IQSEC1: variants seen among roughly 807,000 people sequenced by gnomAD.
IQSEC1 encodes the protein IQ motif and Sec7 domain ArfGEF 1.
A neutral mutation model predicts 91.0 loss-of-function variants in IQSEC1; 31 were observed. That is an observed-to-expected ratio of 0.34 (90% CI 0.26 to 0.46). The LOEUF (loss-of-function observed/expected upper bound fraction) is 0.46. Ranked by LOEUF, IQSEC1 falls within the 20% of genes least tolerant of loss-of-function variation. The probability of loss-of-function intolerance (pLI) is 1.00; values close to 1 mark genes in which losing one functional copy is unlikely to be tolerated. For missense variants in IQSEC1, 1,388 were observed against 1,575.6 expected, an observed-to-expected ratio of 0.88 and a Z score of 2.02; for synonymous variants, 699 against 662.6, an observed-to-expected ratio of 1.05 and a Z score of -0.84.
chr3:13,179,893 A>G (rs1200587438), intron 1 of IQSEC1, among the ~76,000 whole-genome samples: 2 of 152,190 alleles, frequency 1.3e-5, no homozygotes, highest in East Asian at 3.9e-4. Flanking sequence ...GGGGTTTAGC[A>G]CCTGGGCCAG....
In IQSEC1 at chr3:12,992,215, C is replaced by T. The variant is rs1702021673; in HGVS notation, c.24-50350G>A. Among the ~76,000 whole-genome samples the T allele has an allele frequency of 6.6e-6, 1 of 152,118 alleles. No individual in the cohort carries two copies. Among genetic ancestry groups the T allele is most frequent in the Non-Finnish European group, 1.5e-5 (1 of 68,020 alleles). On this transcript the variant is annotated intron_variant, in intron 1 of 13. Transcript: ENST00000613206. The surrounding 1 kb of genome is among the most constrained non-coding windows in gnomAD (Gnocchi z 4.1). ...GGACATGTCCCTGCCTCTCTCTGGC[C>T]TCAGTTCTCCATCTCTAACACAGTA... is the stretch of plus-strand genomic sequence containing the variant.
rs573369913 is a variant in IQSEC1 at position 13,139,910 on chromosome 3, T to G, written c.302+24194A>C. Among the ~76,000 whole-genome samples, 3 of 152,278 alleles carry G rather than the reference T, an allele frequency of 2.0e-5. No individual in the cohort carries two copies. In the South Asian group the frequency reaches 6.2e-4, roughly 32 times the overall value. On this transcript the variant is annotated intron_variant, in intron 2 of 15. Coordinates refer to the IQSEC1 transcript ENST00000648114. Reference sequence around the variant, plus strand: ...TGCCATTATCCTCACCATGCACAAATTCCCAGAGGCAAACACCACAGGCCA... The same window carrying G: ...TGCCATTATCCTCACCATGCACAAAGTCCCAGAGGCAAACACCACAGGCCA...
chr3:13,174,389 C>T (rs1693677830), intron 1 of IQSEC1, among the ~76,000 whole-genome samples: 1 of 152,158 alleles, frequency 6.6e-6, no homozygotes, highest in Non-Finnish European at 1.5e-5. Flanking sequence ...GGAGACTATA[C>T]AGCCACCTGC....
In IQSEC1 at chr3:13,010,141, G is replaced by A. The variant is rs551866184; in HGVS notation, c.23+62851C>T. On this transcript the variant is annotated intron_variant, in intron 1 of 13. Transcript: ENST00000613206. Reference sequence around the variant, plus strand: ...GATGCATAGCAGAACACATGGCTCAGCTGGCCAGCCGGCAGGTCTTAGCAG... The same window carrying A: ...GATGCATAGCAGAACACATGGCTCAACTGGCCAGCCGGCAGGTCTTAGCAG... Among the ~76,000 whole-genome samples, 9 of 152,358 alleles carry A rather than the reference G, an allele frequency of 5.9e-5. No individual in the cohort carries two copies. The East Asian group carries it at 1.7e-3, about 29-fold the overall frequency.
Position 13,145,809 on chromosome 3 carries a change from G to GGC in IQSEC1, c.302+18294_302+18295insGC, listed in dbSNP as rs1416404233. On this transcript the variant is annotated intron_variant, in intron 2 of 15. Transcript: ENST00000648114. The stretch of plus-strand genomic sequence containing the variant: ...TGAACCTGGGCGCCCGGGGGCGGGG[G>GGC]GGGGGGGTCCTGATCATTGGGAACA... Among the ~76,000 whole-genome samples the GGC allele has an allele frequency of 2.4e-4, 33 of 135,502 alleles. No individual in the cohort carries two copies. In the South Asian group the frequency reaches 8.7e-3, roughly 36 times the overall value. The allele number at this position is 135,502 out of a possible 152,430, so 88.9% of individuals were successfully genotyped here.
At chr3:13,105,855 A>T (rs1027478205) in intron 2 of IQSEC1, among the ~76,000 whole-genome samples, 1 of 152,222 alleles carries the variant, frequency 6.6e-6, no homozygotes, top group Non-Finnish European at 1.5e-5. Flanking sequence ...CCCCTAAGGG[A>T]TGGCTGGCCT....
At chr3:12,962,196 T>TTAAGGGCAGCCAGAA (rs1372345248) in intron 1 of IQSEC1, among the ~76,000 whole-genome samples, 5 of 152,178 alleles carry the variant, frequency 3.3e-5, no homozygotes, top group Non-Finnish European at 5.9e-5. Context: ...ACCTTTGAGC[T>TTAAGGGCAGCCAGAA]TAAGGGCAGC....
At chr3:13,157,562 G>C (rs1029093026) in intron 2 of IQSEC1, among the ~76,000 whole-genome samples, 1 of 152,160 alleles carries the variant, frequency 6.6e-6, no homozygotes, top group African/African-American at 2.4e-5. Context: ...AATTGCTCAG[G>C]ATACAGCACA....
chr3:12,991,547 T>C (rs1182765993), intron 1 of IQSEC1, among the ~76,000 whole-genome samples: 1 of 152,048 alleles, frequency 6.6e-6, no homozygotes, highest in Non-Finnish European at 1.5e-5. Context: ...TGCCTAATTA[T>C]GAGGGGCAGG....
chr3:13,203,859 G>A (rs908117941), intron 1 of IQSEC1, among the ~76,000 whole-genome samples: 8 of 152,192 alleles, frequency 5.3e-5, no homozygotes, highest in Non-Finnish European at 1.0e-4. Context: ...CACCTAACAC[G>A]TGCGGGGCCC....
rs374829324 is a variant in IQSEC1 at position 13,015,285 on chromosome 3, C to T, written c.23+57707G>A. Reference sequence around the variant, plus strand: ...CCTGCCATCCAGGTGGGCTGCGGGGCCCTGGTTCTCAACCCTAATGGGGCC... The same window carrying T: ...CCTGCCATCCAGGTGGGCTGCGGGGTCCTGGTTCTCAACCCTAATGGGGCC... On this transcript the variant is annotated intron_variant, in intron 1 of 13. Coordinates refer to ENST00000613206, the MANE Select transcript of IQSEC1 (RefSeq NM_001134382.3). Among the ~76,000 whole-genome samples, 23 of 152,276 alleles carry T rather than the reference C, an allele frequency of 1.5e-4. 1 individual carries two copies. In the East Asian group the frequency reaches 3.1e-3, roughly 20 times the overall value.
rs571684496 is a variant in IQSEC1 at position 13,056,397 on chromosome 3, T to TG, written c.23+16594dup. Among the ~76,000 whole-genome samples, 10 of 152,146 alleles carry TG rather than the reference T, an allele frequency of 6.6e-5. No individual in the cohort carries two copies. In the South Asian group the frequency reaches 2.1e-3, roughly 32 times the overall value. ...CCCTCTAGAGTCCACCTGGCCTTTC[T>TG]GGGGGGTCCTTCCTGGGTTTTCAGC... On this transcript the variant is annotated intron_variant, in intron 1 of 13. Transcript: ENST00000613206.
chr3:13,097,428 G>A (rs373607601), intron 2 of IQSEC1, among the ~76,000 whole-genome samples: 5 of 152,104 alleles, frequency 3.3e-5, no homozygotes, highest in African/African-American at 9.7e-5. Flanking sequence ...TCCACCATAA[G>A]CCCTGCAGGT....
At chr3:12,968,167 C>T (rs552099711) in intron 1 of IQSEC1, among the ~76,000 whole-genome samples, 2 of 152,342 alleles carry the variant, frequency 1.3e-5, no homozygotes, top group East Asian at 3.9e-4. Flanking sequence ...CAACATCTGC[C>T]TATCCCGATT....
chr3:12,922,039 T>A lies in IQSEC1; in HGVS notation c.1853+81A>T. On this transcript the variant is annotated intron_variant, in intron 5 of 13. Coordinates refer to ENST00000613206, the MANE Select transcript of IQSEC1 (RefSeq NM_001134382.3). This position sits in a 1 kb window ranked among gnomAD's most constrained non-coding sequence, Gnocchi z 5.1. ...CTGTCTAGGGATGGTGGGGATGCAG[T>A]CTTTGGTCCATCCTCGGGCCCTGAA... 2 of 1,465,846 alleles carry A rather than the reference T, an allele frequency of 1.4e-6. No individual in the cohort carries two copies. The highest frequency in any genetic ancestry group is 1.8e-6 in the Non-Finnish European group (2 of 1,096,600). 90.8% of individuals were successfully genotyped at this position (1,465,846 alleles called of 1,614,324 possible).
intron 1 of IQSEC1, among the ~76,000 whole-genome samples, chr3:13,188,705 C>T (rs76701045): frequency 0.045 from 6,838 of 152,270 alleles, 357 homozygotes; most frequent in East Asian, 0.3. Context: ...CTCAACCTAC[C>T]GAGCTAGAAG....
chr3:13,203,201 G>T (rs544558473), intron 1 of IQSEC1, among the ~76,000 whole-genome samples: 1 of 150,878 alleles, frequency 6.6e-6, no homozygotes, highest in African/African-American at 2.4e-5. Context: ...ACACTCTTAT[G>T]CTCACACATG....
rs144594173 is a variant in IQSEC1 at position 12,935,525 on chromosome 3, G to C, written c.1491C>G (p.Asn497Lys). The change falls in exon 3 of 14, where the codon AAC becomes AAG. Residue 497 changes from asparagine (N) to lysine (K), a missense_variant. Transcript: ENST00000613206. The surrounding 1 kb of genome is among the most constrained non-coding windows in gnomAD (Gnocchi z 8.0). ...TGCTAAAGGCAGGCGAGTCCCAGCT[G>C]TTGCGGGCCTCCTTGTGGTAGGTCT... The part of the protein sequence containing the change: ...SKQTYHKEAR[N>K]SWDSPAFSND... The C allele has an allele frequency of 6.2e-7, 1 of 1,614,070 alleles. No homozygotes were observed. The highest frequency in any genetic ancestry group is 1.3e-5 in the African/African-American group (1 of 75,076).
intron 2 of IQSEC1, among the ~76,000 whole-genome samples, chr3:13,149,709 G>A (rs1267835832): frequency 6.6e-5 from 10 of 151,670 alleles, no homozygotes; most frequent in African/African-American, 1.9e-4. Flanking sequence ...TGGCAGCTCC[G>A]CCTCCCCCAA....
Sources: allele counts gnomAD v4.1 joint callset (sites outside exome capture counted in the v4.1 genomes callset), GRCh38; gene constraint gnomAD v4.1.1; non-coding constraint Gnocchi (gnomAD v3.1); transcripts MANE v1.5; gene names NCBI Gene and HGNC (gene_info 2026-07-23, HGNC 2026-07-21).